The following ELF5 variants were observed in gnomAD, a reference collection of about 807,000 sequenced individuals.
ELF5 encodes the protein E74 like ETS transcription factor 5.
In ELF5, 31 loss-of-function variants were observed where a neutral mutation model predicts 38.2. That is an observed-to-expected ratio of 0.81 (90% CI 0.61 to 1.10). ELF5 has a LOEUF of 1.10. ELF5 is among the 50% of genes least tolerant of loss of function. The pLI, the probability that ELF5 is intolerant of heterozygous loss-of-function variation, is 0.00. For synonymous variants in ELF5, 121 were observed against 112.5 expected (o/e 1.08, Z -0.48); for missense variants, 300 against 306.6 (o/e 0.98, Z 0.16).
At chr11:34,487,799 T>C (rs1850042641) in intron 4 of ELF5, among the ~76,000 whole-genome samples, 1 of 152,158 alleles carries the variant, frequency 6.6e-6, no homozygotes, top group Non-Finnish European at 1.5e-5. Context: ...CCTGTGGCTA[T>C]TGAGCACTTG....
At chr11:34,495,079 G>A (rs3781711) in intron 2 of ELF5, among the ~76,000 whole-genome samples, 36,152 of 152,076 alleles carry the variant, frequency 0.24, 4,600 homozygotes, top group East Asian at 0.45. Flanking sequence ...CCACGCCAGC[G>A]TGTGGCAGAG....
At chr11:34,486,307 T>G (rs1011454726) in intron 4 of ELF5, among the ~76,000 whole-genome samples, 2 of 151,790 alleles carry the variant, frequency 1.3e-5, no homozygotes, top group Non-Finnish European at 2.9e-5. Flanking sequence ...ATTTCTGCAG[T>G]GGAGGTGGGT....
intron 1 of ELF5, among the ~76,000 whole-genome samples, chr11:34,510,000 A>G (rs989322456): frequency 7.2e-5 from 11 of 152,040 alleles, no homozygotes; most frequent in African/African-American, 2.7e-4. Context: ...GGTATTAACA[A>G]AAAAAAAGGT....
chr11:34,481,062 G>A (rs956699025), intron 5 of ELF5, 95 bp from the exon 6 acceptor site: 68 of 1,023,586 alleles, frequency 6.6e-5, no homozygotes, highest in Non-Finnish European at 8.0e-5. Flanking sequence ...TTGCTCTGTC[G>A]CCCAGGCTGG....
intron 6 of ELF5, 151 bp downstream of exon 6, chr11:34,480,621 A>G (rs1051423853): frequency 4.8e-6 from 4 of 831,250 alleles, no homozygotes; most frequent in Non-Finnish European, 7.4e-6. Flanking sequence ...TTTACAAACC[A>G]TAATCCTACC....
intron 5 of ELF5, among the ~76,000 whole-genome samples, chr11:34,481,294 G>A (rs2133868609): frequency 6.6e-6 from 1 of 152,244 alleles, no homozygotes; most frequent in South Asian, 2.1e-4. Context: ...AAAGTGCTGG[G>A]ATTACAGGTG....
At chr11:34,511,747 C>T (rs4756158) in intron 1 of ELF5, 31 of 679,396 alleles carry the variant, frequency 4.6e-5, no homozygotes, top group Middle Eastern at 8.1e-4. Flanking sequence ...CTGAGCAACC[C>T]GGCACCCCTG....
chr11:34,493,464 C>T lies in ELF5; in HGVS notation c.355+15G>A. The T allele has an allele frequency of 6.2e-7, 1 of 1,610,350 alleles. No individual in the cohort carries two copies. Among genetic ancestry groups the T allele is most frequent in the Non-Finnish European group, 8.5e-7 (1 of 1,178,060 alleles). ...CTGGTCCCTCCCCTGGAGGTCTGGCCCTCTGAACACTGACCTTGTGTGCGG... is the reference window on the plus strand; with the variant it reads ...CTGGTCCCTCCCCTGGAGGTCTGGCTCTCTGAACACTGACCTTGTGTGCGG... On this transcript the variant is annotated intron_variant, in intron 3 of 6. Transcript: ENST00000257832.
chr11:34,490,055 G>A lies in ELF5; in HGVS notation c.360C>T (p.Tyr120=), dbSNP rs762406480. The change falls in exon 4 of 7, where the codon TAC becomes TAT. Residue 120 remains tyrosine (Y), a synonymous_variant. Coordinates refer to ENST00000257832, the MANE Select transcript of ELF5 (RefSeq NM_001422.4). ...FILQNIRTQG[Y]SFFNDAEESK... ...TTTCTTCAGCGTCATTAAAAAAGGA[G>A]TAACCTGGGAAAGAAAAAGAAATCC... is the stretch of plus-strand genomic sequence containing the variant. 21 of 1,613,974 alleles carry A rather than the reference G, an allele frequency of 1.3e-5. No individual in the cohort carries two copies. Among genetic ancestry groups the A allele is most frequent in the Non-Finnish European group, 1.6e-5 (19 of 1,179,956 alleles).
chr11:34,492,669 C>G (rs1037957079), intron 3 of ELF5: 2 of 152,296 alleles, frequency 1.3e-5, no homozygotes, highest in Non-Finnish European at 2.9e-5. Flanking sequence ...TCTCAAAAAG[C>G]CCATGGAGGT....
intron 3 of ELF5, chr11:34,493,074 T>C (rs376698068): frequency 1.4e-5 from 4 of 292,162 alleles, no homozygotes; most frequent in Non-Finnish European, 2.6e-5. Context: ...GATAATTAGT[T>C]GGACTCCTGT....
intron 1 of ELF5, among the ~76,000 whole-genome samples, chr11:34,509,287 C>G (rs754051377): frequency 6.6e-6 from 1 of 152,130 alleles, no homozygotes; most frequent in Non-Finnish European, 1.5e-5. Flanking sequence ...GAGATCGTGC[C>G]ACTGCACTCC....
At chr11:34,498,425 A>C (rs1283781591) in intron 2 of ELF5, among the ~76,000 whole-genome samples, 2 of 152,112 alleles carry the variant, frequency 1.3e-5, no homozygotes, top group Non-Finnish European at 2.9e-5. Flanking sequence ...TCATAAAAAA[A>C]TAGGAGTTAT....
intron 1 of ELF5, among the ~76,000 whole-genome samples, chr11:34,508,272 C>T (rs972900638): frequency 5.9e-5 from 9 of 151,988 alleles, no homozygotes; most frequent in African/African-American, 1.5e-4. Context: ...GAGGCCGAGG[C>T]GGGTGGGTCA....
At chr11:34,511,797 G>A (rs1850766532) in intron 1 of ELF5, 2 of 553,156 alleles carry the variant, frequency 3.6e-6, no homozygotes, top group South Asian at 2.3e-5. Context: ...AAACCACTCA[G>A]CCTTGGCCAG....
At chr11:34,505,569 C>G (rs1850590977) in intron 2 of ELF5, 60 bp downstream of exon 2, 1 of 1,605,088 alleles carries the variant, frequency 6.2e-7, no homozygotes, top group South Asian at 1.1e-5. Context: ...GCGGCCAGCA[C>G]CACCTCCTGC....
intron 1 of ELF5, among the ~76,000 whole-genome samples, chr11:34,510,409 G>C (rs941342395): frequency 6.6e-6 from 1 of 151,930 alleles, no homozygotes; most frequent in African/African-American, 2.4e-5. Flanking sequence ...CAGTAGGTGT[G>C]AGAGTTCAAG....
chr11:34,491,652 T>C (rs907139969), intron 3 of ELF5: 1 of 150,294 alleles, frequency 6.7e-6, no homozygotes, highest in African/African-American at 2.4e-5. Flanking sequence ...CTCGGCTCAC[T>C]TGCAACCTCC....
chr11:34,499,467 C>T (rs79737473), intron 2 of ELF5, among the ~76,000 whole-genome samples: 1 of 152,072 alleles, frequency 6.6e-6, no homozygotes, highest in African/African-American at 2.4e-5. Flanking sequence ...TGGTCTTGAA[C>T]TCCTGGGCTC....
Sources: allele counts gnomAD v4.1 joint callset (sites outside exome capture counted in the v4.1 genomes callset), GRCh38; gene constraint gnomAD v4.1.1; transcripts MANE v1.5; gene names NCBI Gene and HGNC (gene_info 2026-07-23, HGNC 2026-07-21).